SPATA22: variants seen among roughly 807,000 people sequenced by gnomAD.
The protein encoded by SPATA22 is spermatogenesis associated 22.
SPATA22 carries 29 observed loss-of-function variants against 47.8 expected under a neutral mutation model. The ratio of observed to expected loss-of-function variants is 0.61; its 90% confidence interval spans 0.45 to 0.83. The LOEUF (loss-of-function observed/expected upper bound fraction) is 0.83, where lower values mean the gene tolerates loss of function less well. Ranked by LOEUF, SPATA22 falls within the 40% of genes least tolerant of loss-of-function variation. SPATA22 has a pLI of 0.00. For synonymous variants in SPATA22, 133 were observed against 140.9 expected, an observed-to-expected ratio of 0.94 and a Z score of 0.40; for missense variants, 410 against 421.7, an observed-to-expected ratio of 0.97 and a Z score of 0.24.
chr17:3,451,119 T>C (rs117475274), intron 5 of SPATA22, among the ~76,000 whole-genome samples: 2,157 of 152,270 alleles, frequency 0.014, 21 homozygotes, highest in Non-Finnish European at 0.022. Flanking sequence ...TGGAAAAAGA[T>C]ATTCCATGCA....
chr17:3,498,146 C>T (rs2073938298), intron 1 of SPATA22, among the ~76,000 whole-genome samples: 1 of 152,148 alleles, frequency 6.6e-6, no homozygotes, highest in Non-Finnish European at 1.5e-5. Flanking sequence ...CAACATGGCT[C>T]ATTTTTATAT....
At position 3,483,666 on chromosome 17, in the gene SPATA22, T is replaced by C. The variant is rs191593194; in HGVS notation, c.-73-14268A>G. 1.8e-4 allele frequency: 259 copies of C among 1,417,310 alleles called. No individual in the cohort carries two copies. In the African/African-American group the frequency reaches 2.9e-3, roughly 16 times the overall value. 87.8% of individuals were successfully genotyped at this position (1,417,310 alleles called of 1,614,324 possible). A position where few individuals can be genotyped will look rare whatever the true frequency, so the allele number is the denominator to read the frequency against. Reference sequence around the variant, plus strand: ...GAAACTCAGAGAAATTTATTTTTTATCTTATTTTATTTTTGAGACAGAGTC... The same window carrying C: ...GAAACTCAGAGAAATTTATTTTTTACCTTATTTTATTTTTGAGACAGAGTC... On this transcript the variant is annotated intron_variant, in intron 1 of 8. Transcript: ENST00000541913.
At chr17:3,508,728 C>T (rs1320825786) in intron 1 of SPATA22, among the ~76,000 whole-genome samples, 1 of 114,314 alleles carries the variant, frequency 8.7e-6, no homozygotes, top group Non-Finnish European at 1.7e-5. Context: ...GGAAGGGGAA[C>T]ATCACACTCT....
chr17:3,466,122 T>A (rs2073308859), intron 3 of SPATA22, among the ~76,000 whole-genome samples: 1 of 151,148 alleles, frequency 6.6e-6, no homozygotes, highest in Non-Finnish European at 1.5e-5. Flanking sequence ...ATATATTTTG[T>A]TTTCTTTAAA....
Position 3,488,436 on chromosome 17 carries a change from T to G in SPATA22, c.-73-19038A>C, listed in dbSNP as rs140034609. Among the ~76,000 whole-genome samples, 100 of 152,224 alleles carry G rather than the reference T, an allele frequency of 6.6e-4. No individual in the cohort carries two copies. Among genetic ancestry groups the G allele is most frequent in the African/African-American group, 2.2e-3 (91 of 41,544 alleles). On this transcript the variant is annotated intron_variant, in intron 1 of 8. Transcript: ENST00000541913. This position sits in a 1 kb window ranked among gnomAD's most constrained non-coding sequence, Gnocchi z 6.1. ...TTTGGGGAAGCCGAGAAGGGCAGAT[T>G]ACCTGCGGTCAGGAGTTTGAGACCA...
chr17:3,482,768 CT>C (rs66953301), intron 1 of SPATA22, among the ~76,000 whole-genome samples: 39,376 of 146,858 alleles, frequency 0.27, 5,581 homozygotes, highest in East Asian at 0.57. Context: ...TGTAGCGATT[CT>C]TTTTTTTTTT....
intron 1 of SPATA22, among the ~76,000 whole-genome samples, chr17:3,504,894 G>T (rs1166141782): frequency 1.3e-5 from 2 of 152,174 alleles, no homozygotes. Context: ...CAATTCCCCT[G>T]TTTACAATCC....
At chr17:3,458,815 G>T (rs2073053962) in intron 5 of SPATA22, among the ~76,000 whole-genome samples, 2 of 113,402 alleles carry the variant, frequency 1.8e-5, no homozygotes, top group South Asian at 6.2e-4. Flanking sequence ...CACTCACATT[G>T]TCTTGTTGCC....
In SPATA22 at chr17:3,443,513, C is replaced by A. The variant is rs181870096; in HGVS notation, c.803-242G>T. On this transcript the variant is annotated intron_variant, in intron 7 of 8. Transcript: ENST00000572969. The stretch of plus-strand genomic sequence containing the variant: ...TTATATGCCAAGCTCATACAATTGA[C>A]AATAAATGGCCATCTGAAACTTTTT... Among the ~76,000 whole-genome samples, 12 of 152,054 alleles carry A rather than the reference C, an allele frequency of 7.9e-5. No homozygotes were observed. The East Asian group carries it at 2.3e-3, about 29-fold the overall frequency.
chr17:3,503,858 G>C (rs1485836304), intron 1 of SPATA22, among the ~76,000 whole-genome samples: 1 of 152,112 alleles, frequency 6.6e-6, no homozygotes, highest in African/African-American at 2.4e-5. Flanking sequence ...GTTACTGTGA[G>C]GATTAAGTGG....
chr17:3,489,143 C>T (rs2073777092), intron 1 of SPATA22: 7 of 823,992 alleles, frequency 8.5e-6, no homozygotes, highest in South Asian at 3.2e-5. Context: ...ATTTTAACAA[C>T]ATAATTCTAA....
Position 3,448,849 on chromosome 17 carries a change from C to T in SPATA22, c.630G>A (p.Lys210=). The change falls in exon 6 of 9, where the codon AAG becomes AAA. Residue 210 remains lysine, a synonymous_variant. Coordinates refer to ENST00000572969, the MANE Select transcript of SPATA22 (RefSeq NM_001170698.2). ...CTGGAATATCATCCAACATTTGTTT[C>T]TTATATTGATTTTGTTGAAAATTGG... is the stretch of plus-strand genomic sequence containing the variant. ...LKPNFQQNQY[K]KQMLDDIPED... 1 of 1,611,964 alleles carries T rather than the reference C, an allele frequency of 6.2e-7. No individual in the cohort carries two copies. Among genetic ancestry groups the T allele is most frequent in the Non-Finnish European group, 8.5e-7 (1 of 1,179,120 alleles).
At chr17:3,475,924 T>G (rs2073514362), upstream of SPATA22, 1 of 544,262 alleles carries the variant, frequency 1.8e-6, no homozygotes, top group South Asian at 2.1e-5. Flanking sequence ...TATCTCTAGT[T>G]GATCTTTGCA....
In SPATA22 at chr17:3,496,795, G is replaced by T. The variant is rs141950853; in HGVS notation, c.-74+16617C>A. Among the ~76,000 whole-genome samples, 42 of 152,288 alleles carry T rather than the reference G, an allele frequency of 2.8e-4. 1 individual carries two copies. The highest frequency in any genetic ancestry group is 4.7e-4 in the Non-Finnish European group (32 of 68,026). ...AAAATGCTGATTCCTGGCCAGGAGC[G>T]GTGGCTCACGCCTGTAATCCCAGCG... On this transcript the variant is annotated intron_variant, in intron 1 of 8. Coordinates refer to the SPATA22 transcript ENST00000541913.
At chr17:3,475,706 GA>G (rs1400148597), upstream of SPATA22, 2 of 184,222 alleles carry the variant, frequency 1.1e-5, no homozygotes, top group Non-Finnish European at 2.3e-5. Context: ...AATGCCCGTG[GA>G]AATACTGAGT....
intron 5 of SPATA22, among the ~76,000 whole-genome samples, chr17:3,453,476 ATAAG>A (rs1244026005): frequency 6.6e-6 from 1 of 152,184 alleles, no homozygotes; most frequent in Non-Finnish European, 1.5e-5. Flanking sequence ...TCTAAAAAAA[ATAAG>A]TATAGAAGGA....
At chr17:3,465,128 G>A (rs1420730411) in intron 3 of SPATA22, among the ~76,000 whole-genome samples, 9 of 124,328 alleles carry the variant, frequency 7.2e-5, no homozygotes, top group African/African-American at 1.8e-4. Flanking sequence ...GTCTCCGCCC[G>A]GCAGCCACCC....
intron 8 of SPATA22, chr17:3,441,833 C>T (rs2072604775): frequency 2.9e-5 from 1 of 34,200 alleles, no homozygotes; most frequent in African/African-American, 9.6e-5. Context: ...GAGTGAGCTA[C>T]AGCTACACAC....
At chr17:3,491,092 A>T (rs1237141775) in intron 1 of SPATA22, among the ~76,000 whole-genome samples, 1 of 152,212 alleles carries the variant, frequency 6.6e-6, no homozygotes, top group East Asian at 1.9e-4. Context: ...TGTCCTACTC[A>T]GAACTGTAGT....
Sources: gnomAD v4.1 joint callset for allele counts (sites outside exome capture counted in the v4.1 genomes callset) on GRCh38, gnomAD v4.1.1 for gene constraint, Gnocchi (gnomAD v3.1) non-coding constraint, MANE v1.5 for transcripts, NCBI Gene and HGNC (gene_info 2026-07-23, HGNC 2026-07-21) for gene names.